Variants in SLC22A9 observed in about 807,000 individuals in gnomAD.
SLC22A9 encodes organic anion transporter 7.
In SLC22A9, 64 loss-of-function variants were observed where a neutral mutation model predicts 50.1. That is an observed-to-expected ratio of 1.28 (90% confidence interval 1.04 to 1.57). The LOEUF (loss-of-function observed/expected upper bound fraction) is 1.57, where lower values mean the gene tolerates loss of function less well. SLC22A9 is among the 40% of genes most tolerant of loss of function. The pLI, the probability that SLC22A9 is intolerant of heterozygous loss-of-function variation, is 0.00. For synonymous variants in SLC22A9, 261 were observed against 242.5 expected, an observed-to-expected ratio of 1.08 and a Z score of -0.71; for missense variants, 757 against 676.1, an observed-to-expected ratio of 1.12 and a Z score of -1.33.
In SLC22A9 at chr11:63,400,530, C is replaced by T. The variant is rs574464510; in HGVS notation, c.1074-5967C>T. On this transcript the variant is annotated intron_variant, in intron 6 of 9. Coordinates refer to ENST00000279178, the MANE Select transcript of SLC22A9 (RefSeq NM_080866.3). ...GACACCAGCAGTAATAAAAAGTCCT[C>T]CATCAAAGAACAATCTAGAACCTGA... 2.0e-5 allele frequency among the ~76,000 whole-genome samples: 3 copies of T among 152,156 alleles called. No individual in the cohort carries two copies. The East Asian group carries it at 5.8e-4, about 29-fold the overall frequency.
chr11:63,401,399 C>T (rs2014950139), intron 6 of SLC22A9, among the ~76,000 whole-genome samples: 2 of 151,902 alleles, frequency 1.3e-5, no homozygotes, highest in Non-Finnish European at 2.9e-5. Context: ...ATCTCATTTG[C>T]AATTCGTTAC....
chr11:63,384,900 CT>C (rs1266644451), intron 6 of SLC22A9, among the ~76,000 whole-genome samples: 3 of 152,032 alleles, frequency 2.0e-5, no homozygotes, highest in Non-Finnish European at 4.4e-5. Flanking sequence ...TGATGTTGAG[CT>C]TTTTTTCATA....
intron 6 of SLC22A9, among the ~76,000 whole-genome samples, chr11:63,396,697 T>C (rs371739614): frequency 1.3e-5 from 2 of 152,138 alleles, no homozygotes; most frequent in South Asian, 2.1e-4. Context: ...AACTCCAAAA[T>C]TTCTGCTTCA....
At chr11:63,394,721 G>A (rs1192378536) in intron 6 of SLC22A9, among the ~76,000 whole-genome samples, 2 of 152,258 alleles carry the variant, frequency 1.3e-5, no homozygotes, top group East Asian at 1.9e-4. Context: ...ATCTATTTGA[G>A]ATGAATTTCA....
intron 6 of SLC22A9, among the ~76,000 whole-genome samples, chr11:63,402,864 C>G (rs2014974095): frequency 6.6e-6 from 1 of 152,060 alleles, no homozygotes; most frequent in Non-Finnish European, 1.5e-5. Flanking sequence ...CTAAAATTCC[C>G]ATAAACACTA....
chr11:63,371,174 G>T lies in SLC22A9; in HGVS notation c.442G>T (p.Ala148Ser). The change falls in exon 2 of 10, where the codon GCT (alanine) becomes TCT (serine). Residue 148 changes from alanine (A) to serine (S), a missense_variant. Coordinates refer to ENST00000279178, the MANE Select transcript of SLC22A9 (RefSeq NM_080866.3). ...VCDSQSLTSV[A>S]KFVFMAGMMV... ...TGACTCTCAATCACTGACTTCAGTG[G>T]CTAAATTTGTATTCATGGCTGGAAT... The T allele has an allele frequency of 6.2e-7, 1 of 1,613,370 alleles. No homozygotes were observed. The highest frequency in any genetic ancestry group is 8.5e-7 in the Non-Finnish European group (1 of 1,179,520).
rs61742527 is a variant in SLC22A9 at position 63,408,170 on chromosome 11, C to T, written c.1347C>T (p.Ala449=). The T allele has an allele frequency of 5.7e-4, 915 of 1,613,790 alleles. 9 individuals carry two copies. The African/African-American group carries it at 0.011, about 19-fold the overall frequency. ...ATLGLGASAL[A]NTLAFAHGNE... is the part of the protein sequence containing the mutation. The stretch of plus-strand genomic sequence containing the variant: ...TGGGCTTAGGAGCGTCTGCTCTTGC[C>T]AATACCCTTGCTTTTGCCCATGGAA... The change falls in exon 8 of 10, where the codon GCC becomes GCT. Residue 449 remains alanine (A), a synonymous_variant. Coordinates refer to ENST00000279178, the MANE Select transcript of SLC22A9 (RefSeq NM_080866.3).
intron 6 of SLC22A9, among the ~76,000 whole-genome samples, chr11:63,405,519 C>T (rs563812967): frequency 1.4e-4 from 22 of 152,250 alleles, no homozygotes; most frequent in South Asian, 4.1e-4. Flanking sequence ...AAAACCATCA[C>T]GAGGTTATAT....
intron 6 of SLC22A9, among the ~76,000 whole-genome samples, chr11:63,406,071 A>C (rs1331165693): frequency 6.6e-6 from 1 of 152,144 alleles, no homozygotes; most frequent in Non-Finnish European, 1.5e-5. Context: ...GCTTTTGTGG[A>C]GGAAGGTGGC....
chr11:63,400,678 C>T (rs1268762498), intron 6 of SLC22A9, among the ~76,000 whole-genome samples: 1 of 152,008 alleles, frequency 6.6e-6, no homozygotes, highest in African/African-American at 2.4e-5. Context: ...GCCAGCATTA[C>T]CCTGATGCCA....
chr11:63,397,001 A>G (rs1391581789), intron 6 of SLC22A9, among the ~76,000 whole-genome samples: 1 of 152,178 alleles, frequency 6.6e-6, no homozygotes, highest in African/African-American at 2.4e-5. Flanking sequence ...GTTTGTACAC[A>G]TCTTTCTTGG....
intron 4 of SLC22A9, among the ~76,000 whole-genome samples, 199 bp from the exon 5 acceptor site, chr11:63,375,446 A>G (rs1284500177): frequency 6.6e-6 from 1 of 152,138 alleles, no homozygotes; most frequent in Non-Finnish European, 1.5e-5. Flanking sequence ...CTGCATTCCC[A>G]ACAGTGAATA....
chr11:63,380,017 C>A (rs2014532420), intron 5 of SLC22A9, among the ~76,000 whole-genome samples: 1 of 151,968 alleles, frequency 6.6e-6, no homozygotes, highest in African/African-American at 2.4e-5. Flanking sequence ...CAAGCGTAAG[C>A]CATCGTGCCC....
Position 63,370,408 on chromosome 11 carries a change from G to A in SLC22A9, c.352G>A (p.Asp118Asn). Residue 118 changes from aspartate (D) to asparagine (N), a missense_variant, in exon 1 of 10, where the codon GAT becomes AAT. Physicochemically the swap from Asp to Asn is conservative, Grantham distance 23. Coordinates refer to ENST00000279178, the MANE Select transcript of SLC22A9 (RefSeq NM_080866.3). ...TSDADMEPCV[D>N]GWVYDRISFS... ...TGACGCAGACATGGAGCCCTGTGTG[G>A]ATGGCTGGGTGTATGACAGAATCTC... 6.2e-7 allele frequency: 1 copy of A among 1,611,514 alleles called. No homozygotes were observed. The highest frequency in any genetic ancestry group is 8.5e-7 in the Non-Finnish European group (1 of 1,178,660).
intron 6 of SLC22A9, among the ~76,000 whole-genome samples, chr11:63,385,111 T>C (rs1348104723): frequency 3.6e-5 from 5 of 137,402 alleles, no homozygotes; most frequent in Non-Finnish European, 6.5e-5. Flanking sequence ...ATACAGTTTT[T>C]TTTTTTTTTT....
chr11:63,384,155 G>C (rs1238529533), intron 6 of SLC22A9, among the ~76,000 whole-genome samples: 1 of 152,130 alleles, frequency 6.6e-6, no homozygotes, highest in African/African-American at 2.4e-5. Context: ...CAATGACTGT[G>C]CTGGGGTGCA....
In SLC22A9 at chr11:63,373,746, C is replaced by T; in HGVS notation, c.609C>T (p.Arg203=). 1.1e-5 allele frequency: 17 copies of T among 1,613,402 alleles called. No individual in the cohort carries two copies. Among genetic ancestry groups the T allele is most frequent in the Non-Finnish European group, 1.4e-5 (16 of 1,179,616 alleles). ...CCTTCCTCATTTACTGCTCACTACG[C>T]TTCTTGTCTGGGATTGCTGCAATGA... ...APTFLIYCSL[R]FLSGIAAMSL... Residue 203 remains arginine, a synonymous_variant, in exon 3 of 10, where the codon CGC becomes CGT. Coordinates refer to ENST00000279178, the MANE Select transcript of SLC22A9 (RefSeq NM_080866.3).
At chr11:63,397,726 C>T (rs1464058308) in intron 6 of SLC22A9, among the ~76,000 whole-genome samples, 3 of 152,120 alleles carry the variant, frequency 2.0e-5, no homozygotes, top group Non-Finnish European at 4.4e-5. Context: ...AAGTGTTCTT[C>T]AGTCAGCTTG....
rs181240460 is a variant in SLC22A9 at position 63,389,336 on chromosome 11, C to T, written c.1073+7059C>T. 1.2e-4 allele frequency among the ~76,000 whole-genome samples: 19 copies of T among 152,016 alleles called. 1 individual carries two copies. The East Asian group carries it at 3.7e-3, about 29-fold the overall frequency. ...TCTTAATGCTATCCCTCCCCCTTCC[C>T]CCAACCCCCGACAGGCCCCAGTGTG... On this transcript the variant is annotated intron_variant, in intron 6 of 9. Transcript: ENST00000279178.
Sources: gnomAD v4.1 joint callset for allele counts (sites outside exome capture counted in the v4.1 genomes callset) on GRCh38, gnomAD v4.1.1 for gene constraint, MANE v1.5 for transcripts, NCBI Gene and HGNC (gene_info 2026-07-23, HGNC 2026-07-21) for gene names.